Variants in UST observed in about 807,000 individuals in gnomAD.
UST encodes the protein chondroitin sulfate 2-O-sulfotransferase.
A neutral mutation model predicts 45.6 loss-of-function variants in UST; 21 were observed. That is an observed-to-expected ratio of 0.46 (90% CI 0.33 to 0.66). UST has a LOEUF of 0.66. Ranked by LOEUF, UST falls within the 30% of genes least tolerant of loss-of-function variation. The probability of loss-of-function intolerance (pLI) is 0.02; values close to 1 mark genes in which losing one functional copy is unlikely to be tolerated. For synonymous variants in UST, 215 were observed against 200.6 expected (o/e 1.07, Z -0.61); for missense variants, 463 against 512.4 (o/e 0.90, Z 0.93).
At chr6:148,946,250 G>A (rs1354387027) in intron 3 of UST, among the ~76,000 whole-genome samples, 6 of 152,146 alleles carry the variant, frequency 3.9e-5, no homozygotes, top group Non-Finnish European at 5.9e-5. Context: ...GGTGGCTCAC[G>A]CCTGTAATCC....
At chr6:148,773,639 C>A (rs1289436820) in intron 1 of UST, among the ~76,000 whole-genome samples, 3 of 152,172 alleles carry the variant, frequency 2.0e-5, no homozygotes, top group Admixed American at 6.5e-5. Context: ...TATTCAAATT[C>A]TTTCCGTTGG....
chr6:148,974,789 A>G (rs1780985112), intron 5 of UST, among the ~76,000 whole-genome samples: 1 of 152,268 alleles, frequency 6.6e-6, no homozygotes, highest in Admixed American at 6.5e-5. Flanking sequence ...TCTGCATTTC[A>G]TATTACAAAG....
intron 7 of UST, among the ~76,000 whole-genome samples, chr6:149,038,798 T>C (rs1387401201): frequency 1.3e-5 from 2 of 152,094 alleles, no homozygotes; most frequent in African/African-American, 4.8e-5. Context: ...CCTTTCTTTG[T>C]TGTAGAAAGG....
intron 2 of UST, among the ~76,000 whole-genome samples, chr6:148,920,873 G>A (rs1194703202): frequency 6.6e-6 from 1 of 152,184 alleles, no homozygotes; most frequent in Admixed American, 6.5e-5. Flanking sequence ...GAGATGGTGT[G>A]TTATTTTTAA....
chr6:148,853,395 TATTGTGAA>T (rs1485830703), intron 1 of UST, among the ~76,000 whole-genome samples: 4 of 152,254 alleles, frequency 2.6e-5, no homozygotes, highest in Admixed American at 2.6e-4. Flanking sequence ...ATGTCTTTGC[TATTGTGAA>T]TAGTGCTGCC....
chr6:149,010,973 C>A (rs1775800503), intron 5 of UST, among the ~76,000 whole-genome samples: 1 of 148,092 alleles, frequency 6.8e-6, no homozygotes, highest in South Asian at 2.2e-4. Flanking sequence ...GAAACTCACA[C>A]TCTTGGAATC....
intron 5 of UST, among the ~76,000 whole-genome samples, chr6:149,006,051 G>T (rs1775677738): frequency 1.3e-5 from 2 of 152,228 alleles, no homozygotes; most frequent in South Asian, 4.1e-4. Context: ...TCCACTCACA[G>T]TGGGCGTTTC....
intron 1 of UST, among the ~76,000 whole-genome samples, chr6:148,879,682 G>C (rs944438917): frequency 1.3e-5 from 2 of 152,230 alleles, no homozygotes; most frequent in Non-Finnish European, 2.9e-5. Context: ...AGTGCAGCTA[G>C]TACTGCTAGT....
intron 1 of UST, among the ~76,000 whole-genome samples, chr6:148,762,044 C>A (rs1352589004): frequency 6.6e-6 from 1 of 152,204 alleles, no homozygotes; most frequent in Non-Finnish European, 1.5e-5. Flanking sequence ...TTTGCTCATG[C>A]ATTTCCCAAC....
intron 2 of UST, among the ~76,000 whole-genome samples, chr6:148,920,365 C>A (rs1281440855): frequency 1.3e-5 from 2 of 152,106 alleles, no homozygotes; most frequent in Non-Finnish European, 2.9e-5. Flanking sequence ...TTGGTTCCAG[C>A]CTCGCCCCCA....
chr6:148,960,124 AC>A lies in UST; in HGVS notation c.528-4285del, dbSNP rs1187777046. Among the ~76,000 whole-genome samples, 2 of 152,050 alleles carry A rather than the reference AC, an allele frequency of 1.3e-5. 1 individual carries two copies. Among genetic ancestry groups the A allele is most frequent in the East Asian group, 3.9e-4 (2 of 5,186 alleles). On this transcript the variant is annotated intron_variant, in intron 4 of 7. Transcript: ENST00000367463. ...GCCAACACGGCGAAACCCCATCTCT[AC>A]TAAAAATACAAAAATTAGATGGGCA... is the stretch of plus-strand genomic sequence containing the variant.
chr6:148,775,641 G>C (rs867485130), intron 1 of UST, among the ~76,000 whole-genome samples: 8 of 150,242 alleles, frequency 5.3e-5, no homozygotes, highest in African/African-American at 2.0e-4. Context: ...TTTTTTTTTG[G>C]GGCGGGGAGA....
At chr6:148,966,781 G>C (rs540244823) in intron 5 of UST, among the ~76,000 whole-genome samples, 2 of 152,334 alleles carry the variant, frequency 1.3e-5, no homozygotes, top group South Asian at 4.1e-4. Context: ...CTGTTGCCCA[G>C]GCTGGAGCGC....
In UST at chr6:148,748,755, C is replaced by T. The variant is rs961544949; in HGVS notation, c.247+1078C>T. Among the ~76,000 whole-genome samples the T allele has an allele frequency of 2.0e-5, 3 of 152,094 alleles. No homozygotes were observed. The highest frequency in any genetic ancestry group is 2.9e-5 in the Non-Finnish European group (2 of 68,020). ...CATCCGAAGTGATAAGCCTGAGCATCTGCACGATGAGAGCGAGTGCGGGGA... is the reference window on the plus strand; with the variant it reads ...CATCCGAAGTGATAAGCCTGAGCATTTGCACGATGAGAGCGAGTGCGGGGA... On this transcript the variant is annotated intron_variant, in intron 1 of 7. Coordinates refer to ENST00000367463, the MANE Select transcript of UST (RefSeq NM_005715.3). This position sits in a 1 kb window ranked among gnomAD's most constrained non-coding sequence, Gnocchi z 5.3.
intron 2 of UST, among the ~76,000 whole-genome samples, chr6:148,889,789 T>A (rs1348610702): frequency 6.6e-6 from 1 of 152,102 alleles, no homozygotes; most frequent in Non-Finnish European, 1.5e-5. Context: ...GCCTGCCTCT[T>A]TGCTGGGATT....
intron 5 of UST, among the ~76,000 whole-genome samples, chr6:148,967,874 C>T (rs920494493): frequency 2.0e-5 from 3 of 152,216 alleles, no homozygotes; most frequent in African/African-American, 7.2e-5. Context: ...TGGGAGTGGC[C>T]AGTGCCTGCC....
intron 2 of UST, among the ~76,000 whole-genome samples, chr6:148,893,352 A>C (rs184000142): frequency 4.9e-4 from 74 of 152,326 alleles, no homozygotes; most frequent in Non-Finnish European, 6.3e-4. Context: ...ACCATTGCTC[A>C]ATAAAGTTGA....
At chr6:148,803,707 C>G (rs1311617412) in intron 1 of UST, among the ~76,000 whole-genome samples, 1 of 152,184 alleles carries the variant, frequency 6.6e-6, no homozygotes. Flanking sequence ...TCCCTGACTC[C>G]CAGAACTCCT....
At chr6:148,900,833 G>C (rs563422630) in intron 2 of UST, among the ~76,000 whole-genome samples, 1 of 152,166 alleles carries the variant, frequency 6.6e-6, no homozygotes, top group Admixed American at 6.5e-5. Flanking sequence ...GCAGAGATGC[G>C]TTCCTTCTGG....
Sources: gnomAD v4.1 joint callset for allele counts (sites outside exome capture counted in the v4.1 genomes callset) on GRCh38, gnomAD v4.1.1 for gene constraint, Gnocchi (gnomAD v3.1) non-coding constraint, MANE v1.5 for transcripts, NCBI Gene and HGNC (gene_info 2026-07-23, HGNC 2026-07-21) for gene names.